The following LUZP2 variants were observed in gnomAD, a reference collection of about 807,000 sequenced individuals.
LUZP2 encodes leucine zipper protein 2.
Under a neutral mutation model 51.6 loss-of-function variants are expected in LUZP2, and 52 were observed. The ratio of observed to expected loss-of-function variants is 1.01; its 90% CI spans 0.81 to 1.27. The LOEUF is 1.27. Ranked by LOEUF, LUZP2 falls within the 50% of genes most tolerant of loss-of-function variation. The pLI is 0.00. For synonymous variants in LUZP2, 154 were observed against 137.3 expected, an observed-to-expected ratio of 1.12 and a Z score of -0.85; for missense variants, 436 against 395.4, an observed-to-expected ratio of 1.10 and a Z score of -0.87.
At chr11:24,510,995 G>A (rs1021125542) in intron 1 of LUZP2, among the ~76,000 whole-genome samples, 3 of 152,104 alleles carry the variant, frequency 2.0e-5, no homozygotes, top group Non-Finnish European at 4.4e-5. Flanking sequence ...AGGACACACT[G>A]CTTTCCTTTT....
At chr11:24,850,990 T>A (rs1851377699) in intron 5 of LUZP2, among the ~76,000 whole-genome samples, 1 of 152,212 alleles carries the variant, frequency 6.6e-6, no homozygotes, top group African/African-American at 2.4e-5. Context: ...TGAAGTTGCT[T>A]ATCAACTTAA....
In LUZP2 at chr11:24,761,938, G is replaced by C. The variant is rs373931735; in HGVS notation, c.334-1308G>C. On this transcript the variant is annotated intron_variant, in intron 4 of 11. Coordinates refer to ENST00000336930, the MANE Select transcript of LUZP2 (RefSeq NM_001009909.4). ...GTAAGTTCAGTATAGTGGTTACCTG[G>C]GGGGGTGGGGGTGAAGAAAGGAATA... 2.4e-4 allele frequency among the ~76,000 whole-genome samples: 36 copies of C among 151,722 alleles called. No homozygotes were observed. The East Asian group carries it at 5.2e-3, about 22-fold the overall frequency.
chr11:24,963,492 G>A (rs1270707775), intron 7 of LUZP2, among the ~76,000 whole-genome samples: 4 of 152,118 alleles, frequency 2.6e-5, no homozygotes, highest in South Asian at 2.1e-4. Context: ...CCCCAGCCCC[G>A]CTGCTGCCTT....
chr11:25,067,035 A>G (rs1859016171), intron 10 of LUZP2, among the ~76,000 whole-genome samples: 1 of 151,990 alleles, frequency 6.6e-6, no homozygotes, highest in African/African-American at 2.4e-5. Context: ...GTAAAGGGAA[A>G]ACTCTGAAGG....
Position 25,036,314 on chromosome 11 carries a change from A to T in LUZP2, c.766-13724A>T, listed in dbSNP as rs573259092. Among the ~76,000 whole-genome samples the T allele has an allele frequency of 2.9e-4, 44 of 152,076 alleles. 1 individual carries two copies. The highest frequency in any genetic ancestry group is 2.1e-3 in the South Asian group (10 of 4,826). On this transcript the variant is annotated intron_variant, in intron 9 of 11. Coordinates refer to ENST00000336930, the MANE Select transcript of LUZP2 (RefSeq NM_001009909.4). Reference sequence around the variant, plus strand: ...TTATATTTCTGTGGGATGAGTTGTAATATCTCCTTTGACATTTCTGATTGT... The same window carrying T: ...TTATATTTCTGTGGGATGAGTTGTATTATCTCCTTTGACATTTCTGATTGT...
At chr11:25,039,426 A>C (rs534719061) in intron 9 of LUZP2, among the ~76,000 whole-genome samples, 1 of 152,296 alleles carries the variant, frequency 6.6e-6, no homozygotes, top group African/African-American at 2.4e-5. Context: ...GTAGGCCTGT[A>C]GGACTGATGG....
intron 5 of LUZP2, among the ~76,000 whole-genome samples, chr11:24,792,425 CA>C (rs112656980): frequency 0.079 from 10,333 of 130,562 alleles, 1,091 homozygotes; most frequent in African/African-American, 0.25. Context: ...GACTCTGTCT[CA>C]AAAAAAAAAA....
intron 10 of LUZP2, among the ~76,000 whole-genome samples, chr11:25,062,085 A>G (rs1176798563): frequency 2.0e-5 from 3 of 151,476 alleles, no homozygotes; most frequent in Non-Finnish European, 4.4e-5. Context: ...GAAAGGAAAA[A>G]CAAAAAACGA....
intron 1 of LUZP2, among the ~76,000 whole-genome samples, chr11:24,549,427 CT>C (rs1307837685): frequency 6.6e-6 from 1 of 152,042 alleles, no homozygotes; most frequent in Non-Finnish European, 1.5e-5. Context: ...GGTCGTTTTA[CT>C]CTTAATTCTT....
rs78251098 is a variant in LUZP2, at chr11:24,631,890, A to G, written c.63-97279A>G. 3.9e-3 allele frequency among the ~76,000 whole-genome samples: 591 copies of G among 152,000 alleles called. 4 individuals are homozygous for G. Among genetic ancestry groups the G allele is most frequent in the African/African-American group, 0.014 (564 of 41,496 alleles). On this transcript the variant is annotated intron_variant, in intron 1 of 11. Transcript: ENST00000336930. ...CATTAGTGGTCTGTTCAGGTTTTGG[A>G]GAATGCAAATTAATACAGGAAAGAG...
chr11:24,596,851 T>C (rs1853460641), intron 1 of LUZP2, among the ~76,000 whole-genome samples: 2 of 152,186 alleles, frequency 1.3e-5, no homozygotes. Flanking sequence ...ATTGCTACGA[T>C]ATGCTGCAAA....
chr11:24,675,815 A>G (rs7118282), intron 1 of LUZP2, among the ~76,000 whole-genome samples: 29 of 69,072 alleles, frequency 4.2e-4, no homozygotes, highest in Admixed American at 9.9e-4. Flanking sequence ...TTATTTATTT[A>G]TTTATTTATT....
At chr11:24,570,910 C>G (rs1319828098) in intron 1 of LUZP2, among the ~76,000 whole-genome samples, 1 of 151,954 alleles carries the variant, frequency 6.6e-6, no homozygotes, top group Admixed American at 6.6e-5. Context: ...AATCATACAG[C>G]TAGCAGAGAA....
chr11:24,702,263 A>T (rs1339219373), intron 1 of LUZP2, among the ~76,000 whole-genome samples: 1 of 152,226 alleles, frequency 6.6e-6, no homozygotes, highest in Non-Finnish European at 1.5e-5. Flanking sequence ...AAATAATTAC[A>T]ATACATGGCT....
chr11:24,691,545 A>G (rs947265126), intron 1 of LUZP2, among the ~76,000 whole-genome samples: 2 of 151,164 alleles, frequency 1.3e-5, no homozygotes, highest in African/African-American at 4.9e-5. Flanking sequence ...CCTAAAATAG[A>G]CAGATAGGAA....
intron 7 of LUZP2, among the ~76,000 whole-genome samples, chr11:24,961,837 T>G (rs1307375656): frequency 6.7e-6 from 1 of 149,892 alleles, no homozygotes; most frequent in Non-Finnish European, 1.5e-5. Flanking sequence ...AGTTTCTTCC[T>G]AGTCTTGATG....
At chr11:24,704,271 C>T (rs141812417) in intron 1 of LUZP2, among the ~76,000 whole-genome samples, 16 of 152,238 alleles carry the variant, frequency 1.1e-4, no homozygotes, top group Non-Finnish European at 1.9e-4. Flanking sequence ...ATATTTATAA[C>T]TATATTTTGC....
intron 9 of LUZP2, among the ~76,000 whole-genome samples, chr11:25,044,000 GATAT>G (rs368681772): frequency 1.3e-5 from 1 of 78,858 alleles, no homozygotes; most frequent in South Asian, 3.8e-4. Flanking sequence ...ACATATATCT[GATAT>G]ATAGTCTATA....
chr11:24,659,735 A>G (rs1327318573), intron 1 of LUZP2, among the ~76,000 whole-genome samples: 2 of 152,152 alleles, frequency 1.3e-5, no homozygotes, highest in Non-Finnish European at 2.9e-5. Context: ...TATTTTTAAA[A>G]TTGTGATGTT....
Sources: allele counts gnomAD v4.1 joint callset (sites outside exome capture counted in the v4.1 genomes callset), GRCh38; gene constraint gnomAD v4.1.1; transcripts MANE v1.5; gene names NCBI Gene and HGNC (gene_info 2026-07-23, HGNC 2026-07-21).